JCAD: variants seen among roughly 807,000 people sequenced by gnomAD.
The protein encoded by JCAD is junctional cadherin 5 associated, also known as junctional cadherin 5-associated protein.
In JCAD, 40 loss-of-function variants were observed where a neutral mutation model predicts 98.0. The ratio of observed to expected loss-of-function variants is 0.41; its 90% CI spans 0.32 to 0.53. The LOEUF (loss-of-function observed/expected upper bound fraction) is 0.53. Among genes scored for constraint, JCAD ranks in the 20% least tolerant of loss-of-function variants. JCAD has a pLI of 0.31. For synonymous variants in JCAD, 691 were observed against 682.3 expected (o/e 1.01, Z -0.20); for missense variants, 1,705 against 1,738.1 (o/e 0.98, Z 0.34).
chr10:30,056,356 A>C (rs1477948386), intron 1 of JCAD, among the ~76,000 whole-genome samples: 1 of 152,196 alleles, frequency 6.6e-6, no homozygotes, highest in Non-Finnish European at 1.5e-5. Flanking sequence ...TTTCCTAAGT[A>C]CAAAAGTCAT....
chr10:30,032,711 C>CTG lies in JCAD; in HGVS notation c.282-2847_282-2846dup, dbSNP rs757890097. 5.2e-4 allele frequency among the ~76,000 whole-genome samples: 79 copies of CTG among 151,866 alleles called. 1 individual carries two copies. Among genetic ancestry groups the CTG allele is most frequent in the Admixed American group, 4.8e-3 (73 of 15,264 alleles). On this transcript the variant is annotated intron_variant, in intron 2 of 3. Coordinates refer to ENST00000375377, the MANE Select transcript of JCAD (RefSeq NM_020848.4). ...GTTACTTTGATACATATCTTCTCAC[C>CTG]TGTGTGTGTGTGTGAGGATGTGAAT...
chr10:30,027,475 C>T lies in JCAD; in HGVS notation c.2673G>A (p.Glu891=), dbSNP rs1204222824. The part of the protein sequence containing the change: ...FRGNSPEMRV[E]PQPRMWVPES... The stretch of plus-strand genomic sequence containing the variant: ...CCGGCACCCACATCCTCGGCTGTGG[C>T]TCAACCCTCATTTCCGGGCTGTTTC... Residue 891 remains glutamate, a synonymous_variant, in exon 3 of 4, where the codon GAG becomes GAA. Transcript: ENST00000375377. 12 of 1,606,484 alleles carry T rather than the reference C, an allele frequency of 7.5e-6. No homozygotes were observed. Among genetic ancestry groups the T allele is most frequent in the Admixed American group, 5.0e-5 (3 of 60,012 alleles).
intron 1 of JCAD, among the ~76,000 whole-genome samples, chr10:30,052,655 G>A (rs1457953974): frequency 1.3e-5 from 2 of 152,186 alleles, no homozygotes; most frequent in East Asian, 1.9e-4. Context: ...GGTGCTGCAC[G>A]CTTACGCCAA....
Position 30,026,884 on chromosome 10 carries a change from C to A in JCAD, c.3264G>T (p.Arg1088Ser). The A allele has an allele frequency of 6.2e-7, 1 of 1,614,034 alleles. No homozygotes were observed. Among genetic ancestry groups the A allele is most frequent in the African/African-American group, 1.3e-5 (1 of 75,038 alleles). The change falls in exon 3 of 4, where the codon AGG (arginine) becomes AGT (serine). Residue 1088 changes from arginine to serine, a missense_variant. Arg to Ser is a moderately radical substitution (Grantham distance 110, BLOSUM62 -1). Coordinates refer to ENST00000375377, the MANE Select transcript of JCAD (RefSeq NM_020848.4). ...PGESLQARAA[R>S]ILGIEVAVES... ...CCACCGCCACCTCAATGCCCAGGAT[C>A]CTTGCAGCCCTGGCTTGCAAGGACT...
rs760811132 is a variant in JCAD at position 30,029,774 on chromosome 10, C to A, written c.374G>T (p.Ser125Ile). Residue 125 changes from serine (S) to isoleucine (I), a missense_variant, in exon 3 of 4, where the codon AGC (serine) becomes ATC (isoleucine). Around this residue, in one of 3 missense-constraint regions of JCAD, gnomAD observed 275 missense variants for 346.9 expected, o/e 0.79. Transcript: ENST00000375377. ...GTTTTCGTGCTCCCTCGGCTTCTGG[C>A]TCCTGGCTTCTTGCCGTCCTCTTCT... is the stretch of plus-strand genomic sequence containing the variant. ...YRRRGRQEAR[S>I]QKPREHENLE... is the part of the protein sequence containing the mutation. The A allele has an allele frequency of 1.4e-5, 22 of 1,614,152 alleles. No homozygotes were observed. In the East Asian group the frequency reaches 1.8e-4, roughly 13 times the overall value.
At chr10:30,031,098 T>C (rs953469323) in intron 2 of JCAD, among the ~76,000 whole-genome samples, 3 of 151,532 alleles carry the variant, frequency 2.0e-5, no homozygotes, top group African/African-American at 7.3e-5. Flanking sequence ...AGGTCTGGGT[T>C]AGGGCCCAGG....
In JCAD at chr10:30,018,296, C is replaced by CTTT. The variant is rs68092911; in HGVS notation, c.4046-382_4046-380dup. On this transcript the variant is annotated intron_variant, in intron 3 of 3. Coordinates refer to ENST00000375377, the MANE Select transcript of JCAD (RefSeq NM_020848.4). The stretch of plus-strand genomic sequence containing the variant: ...CTTTCTTCTTCTTCTTCTTCTTCTT[C>CTTT]TTTTTTTTTTTTTGGTAAATTACAG... Among the ~76,000 whole-genome samples the CTTT allele has an allele frequency of 3.3e-3, 231 of 70,668 alleles. 4 individuals carry two copies. The highest frequency in any genetic ancestry group is 9.2e-3 in the African/African-American group (199 of 21,556). 46.4% of individuals were successfully genotyped at this position (70,668 alleles called of 152,430 possible). A position where few individuals can be genotyped will look rare whatever the true frequency, so the allele number is the denominator to read the frequency against.
chr10:30,103,955 A>G (rs894701059), intron 1 of JCAD, among the ~76,000 whole-genome samples: 1 of 152,084 alleles, frequency 6.6e-6, no homozygotes, highest in Non-Finnish European at 1.5e-5. Context: ...TCAATGGGAG[A>G]GTGGTAAGTG....
chr10:30,053,892 G>A (rs996991854), intron 1 of JCAD, among the ~76,000 whole-genome samples: 13 of 151,986 alleles, frequency 8.6e-5, no homozygotes, highest in African/African-American at 1.7e-4. Context: ...GTTAAACCCC[G>A]TTTCTACTAA....
At chr10:30,044,783 C>T in intron 2 of JCAD, 1 of 982,890 alleles carries the variant, frequency 1.0e-6, no homozygotes, top group Non-Finnish European at 1.2e-6. Flanking sequence ...TTCATGCCTA[C>T]CTTTCTGTTT....
chr10:30,107,969 T>C (rs1454403174), intron 1 of JCAD, among the ~76,000 whole-genome samples: 6 of 152,190 alleles, frequency 3.9e-5, no homozygotes, highest in Non-Finnish European at 8.8e-5. Context: ...CTGTCTAGGA[T>C]ACCTTAGTCA....
intron 2 of JCAD, among the ~76,000 whole-genome samples, chr10:30,069,505 C>T (rs1462352626): frequency 1.3e-5 from 2 of 150,180 alleles, no homozygotes; most frequent in Non-Finnish European, 3.0e-5. Flanking sequence ...AGAATGGCCT[C>T]AACCTGGGAG....
At chr10:30,087,399 A>T (rs1220687517) in intron 1 of JCAD, among the ~76,000 whole-genome samples, 3 of 152,188 alleles carry the variant, frequency 2.0e-5, no homozygotes, top group Non-Finnish European at 4.4e-5. Context: ...AGATCATGCC[A>T]TTGCACTCCG....
chr10:30,056,870 A>G lies in JCAD; in HGVS notation c.-60+2612T>C, dbSNP rs139629881. On this transcript the variant is annotated intron_variant, in intron 1 of 3. Transcript: ENST00000375377. ...CTAAACACCATTTAGTGTTTAAAGC[A>G]TATATCAAAGCCCAACACCTCCCCT... Among the ~76,000 whole-genome samples the G allele has an allele frequency of 3.3e-3, 499 of 152,306 alleles. 4 individuals carry two copies. The highest frequency in any genetic ancestry group is 0.011 in the African/African-American group (472 of 41,572).
upstream of JCAD, among the ~76,000 whole-genome samples, chr10:30,062,944 G>A (rs981624205): frequency 6.6e-6 from 1 of 152,170 alleles, no homozygotes; most frequent in African/African-American, 2.4e-5. Context: ...AATCATAAAT[G>A]TAGGAAGATA....
chr10:30,108,974 T>C (rs768090600), intron 1 of JCAD, among the ~76,000 whole-genome samples: 2 of 152,142 alleles, frequency 1.3e-5, no homozygotes, highest in Non-Finnish European at 2.9e-5. Context: ...AGGTGGAGCT[T>C]GGAGTCCTTG....
At chr10:30,051,307 C>CACACACACACAA (rs942139423) in intron 1 of JCAD, among the ~76,000 whole-genome samples, 16 of 151,450 alleles carry the variant, frequency 1.1e-4, no homozygotes, top group African/African-American at 3.7e-4. Flanking sequence ...CACACACACA[C>CACACACACACAA]AAGAGTTGAT....
intron 1 of JCAD, among the ~76,000 whole-genome samples, chr10:30,097,217 A>C (rs1206722426): frequency 6.6e-6 from 1 of 152,222 alleles, no homozygotes; most frequent in Non-Finnish European, 1.5e-5. Flanking sequence ...AACTTTATTT[A>C]ATTTTAAATA....
In JCAD at chr10:30,028,144, G is replaced by A. The variant is rs9337951; in HGVS notation, c.2004C>T (p.His668=). 499,637 of 1,613,968 alleles carry A rather than the reference G, an allele frequency of 0.31. 83,794 individuals carry two copies. The highest frequency in any genetic ancestry group is 0.35 in the Non-Finnish European group (409,721 of 1,179,914). Residue 668 remains histidine (H), a synonymous_variant, in exon 3 of 4, where the codon CAC becomes CAT. Coordinates refer to ENST00000375377, the MANE Select transcript of JCAD (RefSeq NM_020848.4). ...GCTTGAGTTCTCTGTGCTTTGTAAG[G>A]TGGATGAAACTGAGGTCATTTGTTT... ...DRQTNDLSFI[H]LTKHRELKHS...
Sources: gnomAD v4.1 joint callset for allele counts (sites outside exome capture counted in the v4.1 genomes callset) on GRCh38, gnomAD v4.1.1 for gene constraint, gnomAD v4.1.1 regional missense constraint, MANE v1.5 for transcripts, NCBI Gene and HGNC (gene_info 2026-07-23, HGNC 2026-07-21) for gene names.